CHRM3: variants seen among roughly 807,000 people sequenced by gnomAD.
CHRM3 encodes cholinergic receptor muscarinic 3, also known as muscarinic acetylcholine receptor M3.
A neutral mutation model predicts 41.8 loss-of-function variants in CHRM3; 11 were observed. The ratio of observed to expected loss-of-function variants is 0.26; its 90% CI spans 0.17 to 0.44. CHRM3 has a LOEUF of 0.44. Among genes scored for constraint, CHRM3 ranks in the 20% least tolerant of loss-of-function variants. The pLI is 1.00. For missense variants in CHRM3, 571 were observed against 745.4 expected (o/e 0.77, Z 2.72); for synonymous variants, 297 against 301.4 (o/e 0.99, Z 0.15).
intron 3 of CHRM3, among the ~76,000 whole-genome samples, chr1:239,561,397 A>T (rs1211782774): frequency 2.0e-5 from 3 of 152,048 alleles, no homozygotes; most frequent in Non-Finnish European, 4.4e-5. Flanking sequence ...AATCTACCAG[A>T]CTACCTTCTC....
chr1:239,421,325 C>T (rs954547280), intron 1 of CHRM3, among the ~76,000 whole-genome samples: 8 of 152,108 alleles, frequency 5.3e-5, no homozygotes, highest in Admixed American at 1.3e-4. Context: ...GCCTCATATA[C>T]CCATTTTATT....
intron 5 of CHRM3, among the ~76,000 whole-genome samples, chr1:239,821,469 T>G (rs904863959): frequency 6.6e-6 from 1 of 152,108 alleles, no homozygotes; most frequent in Admixed American, 6.5e-5. Flanking sequence ...TCCCAGAAAT[T>G]CTCTGATGTA....
intron 1 of CHRM3, among the ~76,000 whole-genome samples, chr1:239,413,014 G>T (rs943457111): frequency 6.6e-6 from 1 of 151,600 alleles, no homozygotes; most frequent in Non-Finnish European, 1.5e-5. Context: ...GGAGGTGGAG[G>T]TTACAGTGAG....
intron 4 of CHRM3, among the ~76,000 whole-genome samples, chr1:239,656,774 T>C (rs1434199913): frequency 1.3e-5 from 2 of 152,196 alleles, no homozygotes; most frequent in Non-Finnish European, 2.9e-5. Flanking sequence ...TATATTATTA[T>C]AAAACATGAT....
intron 1 of CHRM3, among the ~76,000 whole-genome samples, chr1:239,458,338 A>G (rs1390959260): frequency 6.6e-6 from 1 of 152,304 alleles, no homozygotes; most frequent in Non-Finnish European, 1.5e-5. Context: ...ACAAAAGCCC[A>G]TATTTTTAAG....
intron 3 of CHRM3, among the ~76,000 whole-genome samples, chr1:239,619,706 C>T (rs958512510): frequency 2.6e-5 from 4 of 152,146 alleles, no homozygotes; most frequent in East Asian, 3.9e-4. Context: ...ATTGGTTTCT[C>T]GAACCCCCAT....
At chr1:239,753,930 G>T (rs960324748) in intron 5 of CHRM3, among the ~76,000 whole-genome samples, 2 of 152,210 alleles carry the variant, frequency 1.3e-5, no homozygotes, top group Admixed American at 1.3e-4. Flanking sequence ...CGTCAATCAT[G>T]TGTGACAGAG....
chr1:239,455,071 T>TTTA (rs1664825987), intron 1 of CHRM3, among the ~76,000 whole-genome samples: 1 of 152,044 alleles, frequency 6.6e-6, no homozygotes, highest in African/African-American at 2.4e-5. Context: ...TCTACTTATT[T>TTTA]TTTATTTATT....
intron 3 of CHRM3, among the ~76,000 whole-genome samples, chr1:239,605,847 A>C (rs922951391): frequency 3.3e-5 from 5 of 152,218 alleles, no homozygotes; most frequent in Non-Finnish European, 7.3e-5. Context: ...ACACTTAGAA[A>C]GGTATATGCA....
intron 3 of CHRM3, among the ~76,000 whole-genome samples, chr1:239,557,883 A>G (rs1351957230): frequency 2.0e-5 from 3 of 152,184 alleles, no homozygotes; most frequent in Non-Finnish European, 4.4e-5. Flanking sequence ...CCAGTCTATC[A>G]TTGATGAGTA....
chr1:239,867,546 C>G (rs1676218867), intron 6 of CHRM3, among the ~76,000 whole-genome samples: 1 of 152,014 alleles, frequency 6.6e-6, no homozygotes, highest in Non-Finnish European at 1.5e-5. Context: ...ATTAGCCAGG[C>G]ATGGTGGCAC....
At chr1:239,731,830 G>A (rs1663993843) in intron 5 of CHRM3, among the ~76,000 whole-genome samples, 1 of 151,898 alleles carries the variant, frequency 6.6e-6, no homozygotes, top group Non-Finnish European at 1.5e-5. Context: ...TGCCTCCAGG[G>A]TTTGGCAGAG....
intron 1 of CHRM3, among the ~76,000 whole-genome samples, chr1:239,401,283 T>G (rs918247543): frequency 2.0e-5 from 3 of 152,152 alleles, no homozygotes; most frequent in African/African-American, 7.2e-5. Flanking sequence ...CAGAAATCTG[T>G]GCTCCATAAC....
chr1:239,735,239 G>A (rs1238792958), intron 5 of CHRM3, among the ~76,000 whole-genome samples: 1 of 152,086 alleles, frequency 6.6e-6, no homozygotes, highest in African/African-American at 2.4e-5. Flanking sequence ...AAGTCAAATA[G>A]TTTCTATCCC....
intron 3 of CHRM3, among the ~76,000 whole-genome samples, chr1:239,627,231 G>T (rs1200549579): frequency 1.6e-5 from 2 of 127,932 alleles, no homozygotes; most frequent in African/African-American, 6.0e-5. Flanking sequence ...TCCTCTTGTT[G>T]AATTGATCCC....
intron 1 of CHRM3, among the ~76,000 whole-genome samples, chr1:239,410,302 A>G (rs1320018813): frequency 3.3e-5 from 5 of 152,082 alleles, no homozygotes; most frequent in Non-Finnish European, 7.4e-5. Flanking sequence ...TTATTACCCC[A>G]CTAAGGGGCC....
chr1:239,800,932 C>T (rs1040950876), intron 5 of CHRM3, among the ~76,000 whole-genome samples: 3 of 151,590 alleles, frequency 2.0e-5, no homozygotes, highest in Non-Finnish European at 4.4e-5. Context: ...GAGGTTTCCC[C>T]TTTCAAGTTA....
At chr1:239,714,926 A>G (rs1572073021) in intron 5 of CHRM3, among the ~76,000 whole-genome samples, 1 of 152,140 alleles carries the variant, frequency 6.6e-6, no homozygotes, top group East Asian at 1.9e-4. Context: ...GATTTTGCCA[A>G]TAGTTTAAGC....
chr1:239,846,611 G>A (rs2149199886), intron 6 of CHRM3, among the ~76,000 whole-genome samples: 1 of 152,304 alleles, frequency 6.6e-6, no homozygotes, highest in Non-Finnish European at 1.5e-5. Context: ...CAGAGGAACA[G>A]CCAATATAAA....
Sources: gnomAD v4.1 joint callset for allele counts (sites outside exome capture counted in the v4.1 genomes callset) on GRCh38, gnomAD v4.1.1 for gene constraint, MANE v1.5 for transcripts, NCBI Gene and HGNC (gene_info 2026-07-23, HGNC 2026-07-21) for gene names.